Variants in CSRNP3 observed in about 807,000 individuals in gnomAD.
The protein encoded by CSRNP3 is cysteine and serine rich nuclear protein 3, also known as cysteine/serine-rich nuclear protein 3.
CSRNP3 carries 12 observed loss-of-function variants against 48.0 expected under a neutral mutation model. The ratio of observed to expected loss-of-function variants is 0.25; its 90% confidence interval spans 0.16 to 0.41. The LOEUF (loss-of-function observed/expected upper bound fraction) is 0.41, where lower values mean the gene tolerates loss of function less well. CSRNP3 is among the 10% of genes least tolerant of loss of function. The pLI, the probability that CSRNP3 is intolerant of heterozygous loss-of-function variation, is 1.00. For synonymous variants in CSRNP3, 263 were observed against 269.7 expected (o/e 0.98, Z 0.24); for missense variants, 580 against 724.4 (o/e 0.80, Z 2.29).
In CSRNP3 at chr2:165,683,799, A is replaced by G. The variant is rs906255800; in HGVS notation, c.*4046A>G. 1.3e-5 allele frequency: 2 copies of G among 152,076 alleles called. No homozygotes were observed. The highest frequency in any genetic ancestry group is 2.9e-5 in the Non-Finnish European group (2 of 67,966). 9.4% of individuals were successfully genotyped at this position (152,076 alleles called of 1,614,324 possible). A position where few individuals can be genotyped will look rare whatever the true frequency, so the allele number is the denominator to read the frequency against. On this transcript the variant is annotated 3_prime_UTR_variant, in exon 7 of 7. Transcript: ENST00000651982. Reference sequence around the variant, plus strand: ...ATCCTCTTAATATGTGATTTTATCAAGTGACATTAGAAAAACTGACATCAG... The same window carrying G: ...ATCCTCTTAATATGTGATTTTATCAGGTGACATTAGAAAAACTGACATCAG...
rs544652492 is a variant in CSRNP3 at position 165,622,757 on chromosome 2, A to G, written c.148+27544A>G. 2.0e-5 allele frequency among the ~76,000 whole-genome samples: 3 copies of G among 152,364 alleles called. No homozygotes were observed. The South Asian group carries it at 6.2e-4, about 32-fold the overall frequency. ...CCATATACTGTTCTTACTCATACCC[A>G]TTAGTCAGAAGTAAGTCACAGGATC... On this transcript the variant is annotated intron_variant, in intron 4 of 6. Transcript: ENST00000651982.
intron 3 of CSRNP3, among the ~76,000 whole-genome samples, chr2:165,558,775 GA>G (rs993497106): frequency 3.3e-5 from 5 of 152,176 alleles, no homozygotes; most frequent in Admixed American, 6.5e-5. Context: ...TAGTGAATGG[GA>G]AAATTAATTT....
intron 3 of CSRNP3, among the ~76,000 whole-genome samples, chr2:165,534,543 G>A (rs1367068708): frequency 2.0e-5 from 3 of 152,026 alleles, no homozygotes; most frequent in Non-Finnish European, 4.4e-5. Flanking sequence ...CAGGTGCATA[G>A]AGAATGTTCA....
At chr2:165,664,854 CAAT>C (rs1321583895) in intron 5 of CSRNP3, among the ~76,000 whole-genome samples, 1 of 152,126 alleles carries the variant, frequency 6.6e-6, no homozygotes, top group African/African-American at 2.4e-5. Flanking sequence ...AACAAACAAA[CAAT>C]AAATAAGCTA....
intron 4 of CSRNP3, among the ~76,000 whole-genome samples, chr2:165,615,215 A>G (rs1184436385): frequency 6.6e-6 from 1 of 152,064 alleles, no homozygotes; most frequent in Admixed American, 6.5e-5. Flanking sequence ...ATATATCTGA[A>G]TGCTCCAGTG....
intron 4 of CSRNP3, among the ~76,000 whole-genome samples, chr2:165,643,623 A>G (rs1444428132): frequency 6.6e-6 from 1 of 152,200 alleles, no homozygotes; most frequent in East Asian, 1.9e-4. Context: ...ACTTTGAATC[A>G]GTCCCAGACA....
intron 4 of CSRNP3, among the ~76,000 whole-genome samples, chr2:165,622,159 A>G (rs1328801022): frequency 6.6e-6 from 1 of 152,166 alleles, no homozygotes; most frequent in Non-Finnish European, 1.5e-5. Context: ...GAACTTTTAA[A>G]GTTATTTTTC....
chr2:165,575,083 T>C (rs1685426830), intron 3 of CSRNP3, among the ~76,000 whole-genome samples: 2 of 152,206 alleles, frequency 1.3e-5, no homozygotes, highest in Admixed American at 1.3e-4. Flanking sequence ...CGTGTTCAAC[T>C]TCCTATGACT....
At chr2:165,543,777 C>T (rs1684987962) in intron 3 of CSRNP3, among the ~76,000 whole-genome samples, 1 of 151,976 alleles carries the variant, frequency 6.6e-6, no homozygotes, top group African/African-American at 2.4e-5. Flanking sequence ...GGGTATCCAT[C>T]TCCTCAAAGG....
rs72877710 is a variant in CSRNP3 at position 165,517,848 on chromosome 2, T to G, written c.-112-25T>G. 26,973 of 152,324 alleles carry G rather than the reference T, an allele frequency of 0.18. 2,587 individuals carry two copies. Among genetic ancestry groups the G allele is most frequent in the Non-Finnish European group, 0.2 (13,429 of 67,736 alleles). The allele number at this position is 152,324 out of a possible 1,614,324, so 9.4% of individuals were successfully genotyped here. On this transcript the variant is annotated intron_variant, in intron 2 of 6. Transcript: ENST00000651982. ...TTGAAAACATAACCTTACATAACAT[T>G]CTGAAACGTATTTTCTTTTTTAAGG... is the stretch of plus-strand genomic sequence containing the variant.
chr2:165,582,818 A>G (rs1180601132), intron 3 of CSRNP3, among the ~76,000 whole-genome samples: 1 of 152,124 alleles, frequency 6.6e-6, no homozygotes, highest in Non-Finnish European at 1.5e-5. Flanking sequence ...CAAATTCTCA[A>G]ACTGCAAATC....
chr2:165,559,121 A>T (rs1022113667), intron 3 of CSRNP3, among the ~76,000 whole-genome samples: 1 of 152,262 alleles, frequency 6.6e-6, no homozygotes, highest in Middle Eastern at 3.4e-3. Flanking sequence ...GAAAAAAGCA[A>T]ATTAGTTTGC....
At chr2:165,479,379 G>A (rs1488576449) in intron 1 of CSRNP3, among the ~76,000 whole-genome samples, 1 of 152,240 alleles carries the variant, frequency 6.6e-6, no homozygotes, top group East Asian at 1.9e-4. Flanking sequence ...GTGCCCAAAT[G>A]CCTGGGTTTG....
At chr2:165,503,383 A>G (rs918716224) in intron 2 of CSRNP3, among the ~76,000 whole-genome samples, 3 of 151,890 alleles carry the variant, frequency 2.0e-5, no homozygotes, top group Non-Finnish European at 4.4e-5. Context: ...TAGTGTGATC[A>G]TTGTTTGTGG....
intron 1 of CSRNP3, among the ~76,000 whole-genome samples, chr2:165,484,250 A>G (rs1684084414): frequency 6.6e-6 from 1 of 151,938 alleles, no homozygotes; most frequent in Admixed American, 6.6e-5. Flanking sequence ...GCACCACCAC[A>G]TTCGGCTAAT....
chr2:165,616,145 CT>C (rs1233094625), intron 4 of CSRNP3, among the ~76,000 whole-genome samples: 1 of 152,038 alleles, frequency 6.6e-6, no homozygotes, highest in African/African-American at 2.4e-5. Flanking sequence ...TATTTTTTAA[CT>C]GAAAAATTTA....
intron 3 of CSRNP3, among the ~76,000 whole-genome samples, chr2:165,553,023 G>T (rs1051143017): frequency 6.6e-6 from 1 of 152,058 alleles, no homozygotes; most frequent in Non-Finnish European, 1.5e-5. Flanking sequence ...TAATATCAAC[G>T]TTCATGTAGA....
At chr2:165,557,342 T>C (rs1332730867) in intron 3 of CSRNP3, among the ~76,000 whole-genome samples, 3 of 152,212 alleles carry the variant, frequency 2.0e-5, no homozygotes. Flanking sequence ...ACGGCAACCA[T>C]ATGTTTTGCA....
chr2:165,569,315 A>C (rs1298897951), intron 3 of CSRNP3, among the ~76,000 whole-genome samples: 1 of 152,120 alleles, frequency 6.6e-6, no homozygotes, highest in African/African-American at 2.4e-5. Flanking sequence ...TCCAGGAAAC[A>C]CAGGTGATGG....
Sources: allele counts gnomAD v4.1 joint callset (sites outside exome capture counted in the v4.1 genomes callset), GRCh38; gene constraint gnomAD v4.1.1; transcripts MANE v1.5; gene names NCBI Gene and HGNC (gene_info 2026-07-23, HGNC 2026-07-21).